Variants in ODF2L observed in about 807,000 individuals in gnomAD.
The protein encoded by ODF2L is protein BCAP.
Under a neutral mutation model 86.3 loss-of-function variants are expected in ODF2L, and 76 were observed. The observed-to-expected ratio is 0.88, with a 90% CI of 0.73 to 1.07. The LOEUF (loss-of-function observed/expected upper bound fraction) is 1.07, where lower values mean the gene tolerates loss of function less well. ODF2L is among the 50% of genes least tolerant of loss of function. The pLI is 0.00. For synonymous variants in ODF2L, 241 were observed against 231.3 expected (o/e 1.04, Z -0.38); for missense variants, 748 against 717.4 (o/e 1.04, Z -0.49).
chr1:86,369,822 C>A (rs1659672838), intron 10 of ODF2L, among the ~76,000 whole-genome samples: 1 of 152,044 alleles, frequency 6.6e-6, no homozygotes, highest in Non-Finnish European at 1.5e-5. Flanking sequence ...TTTAGACCTA[C>A]ATAGAAAGAA....
chr1:86,385,922 G>A (rs528722531), intron 2 of ODF2L: 4 of 168,394 alleles, frequency 2.4e-5, no homozygotes, highest in African/African-American at 4.8e-5. Context: ...AAAACATAAC[G>A]GCTCATTAAC....
exon 7 of ODF2L, chr1:86,382,337 G>C (rs377705254): frequency 1.7e-5 from 28 of 1,610,822 alleles, no homozygotes; most frequent in Non-Finnish European, 5.1e-6. Context: ...TGGGAAAAAC[G>C]GTTTGCTTTC....
intron 13 of ODF2L, chr1:86,357,930 A>G (rs879716471): frequency 7.1e-6 from 7 of 985,136 alleles, no homozygotes; most frequent in Admixed American, 6.1e-5. Context: ...TGAGAAAATG[A>G]GACCAAAAGA....
intron 7 of ODF2L, among the ~76,000 whole-genome samples, chr1:86,378,886 A>G (rs1160559782): frequency 2.0e-5 from 3 of 151,942 alleles, no homozygotes; most frequent in Non-Finnish European, 4.4e-5. Flanking sequence ...CCCAAATTTC[A>G]TGTCAAACTG....
intron 11 of ODF2L, among the ~76,000 whole-genome samples, chr1:86,361,139 T>C (rs1044852874): frequency 6.6e-6 from 1 of 152,240 alleles, no homozygotes; most frequent in African/African-American, 2.4e-5. Context: ...TTTATCTTCC[T>C]TGCAAGCTTA....
downstream of ODF2L, chr1:86,348,978 TTC>T (rs1254622006): frequency 4.3e-5 from 53 of 1,239,188 alleles, no homozygotes; most frequent in Non-Finnish European, 5.5e-5. Context: ...AACTAGATAA[TTC>T]TTTTTGATTT....
intron 8 of ODF2L, among the ~76,000 whole-genome samples, chr1:86,375,541 TA>T (rs1558039887): frequency 6.6e-6 from 1 of 152,124 alleles, no homozygotes; most frequent in South Asian, 2.1e-4. Flanking sequence ...GAGACTTTTT[TA>T]AAAAAATTAT....
rs1402054831 is a variant in ODF2L at position 86,386,981 on chromosome 1, CAA to C, written c.45_46del (p.Phe15LeufsTer4). Reference sequence around the variant, plus strand: ...TTTCTCTGATATAGTTTTAAGATGGCAAAAGAGTTCTTCTGAATGACTTCCAT... The same window carrying C: ...TTTCTCTGATATAGTTTTAAGATGGCAAGAGTTCTTCTGAATGACTTCCAT... On this transcript the variant is annotated frameshift_variant, in exon 2 of 18. Transcript: ENST00000317336. LOFTEE classifies it high-confidence loss of function. 8 of 1,591,316 alleles carry C rather than the reference CAA, an allele frequency of 5.0e-6. No individual in the cohort carries two copies. The highest frequency in any genetic ancestry group is 2.3e-5 in the East Asian group (1 of 43,200).
At chr1:86,378,711 TCTCA>T (rs1262918757) in intron 7 of ODF2L, among the ~76,000 whole-genome samples, 2 of 151,850 alleles carry the variant, frequency 1.3e-5, no homozygotes, top group Admixed American at 1.3e-4. Context: ...AACCATCAGA[TCTCA>T]CTCACTATCA....
chr1:86,394,391 G>A (rs1028804256), intron 1 of ODF2L, among the ~76,000 whole-genome samples: 1 of 148,390 alleles, frequency 6.7e-6, no homozygotes, highest in South Asian at 2.1e-4. Context: ...ACTCCACTGC[G>A]GCAGAGCGAG....
chr1:86,383,194 T>C (rs752333748), exon 5 of ODF2L: 1 of 1,544,140 alleles, frequency 6.5e-7, no homozygotes, highest in Non-Finnish European at 8.8e-7. Context: ...AATTGTCTCC[T>C]GTCTGAGAAA....
chr1:86,356,898 A>T (rs2100783354), intron 13 of ODF2L, among the ~76,000 whole-genome samples: 1 of 152,332 alleles, frequency 6.6e-6, no homozygotes, highest in East Asian at 1.9e-4. Context: ...ATTATATTCA[A>T]GCATAGATTA....
At chr1:86,367,416 C>T (rs1044415636) in intron 11 of ODF2L, among the ~76,000 whole-genome samples, 6 of 151,930 alleles carry the variant, frequency 3.9e-5, no homozygotes, top group Non-Finnish European at 7.4e-5. Context: ...CAAGAAAATT[C>T]CAGCATGGCA....
chr1:86,347,485 G>A (rs928382162), downstream of ODF2L: 1 of 152,218 alleles, frequency 6.6e-6, no homozygotes, highest in Admixed American at 6.5e-5. Flanking sequence ...AATCTTGTTA[G>A]CAATTGTTGG....
chr1:86,363,855 G>A (rs946260516), intron 11 of ODF2L, among the ~76,000 whole-genome samples: 1 of 151,862 alleles, frequency 6.6e-6, no homozygotes, highest in African/African-American at 2.4e-5. Context: ...TAATAGAGGA[G>A]GTTACTCGGC....
intron 7 of ODF2L, among the ~76,000 whole-genome samples, chr1:86,378,626 A>G (rs4638096): frequency 0.33 from 49,559 of 151,692 alleles, 8,253 homozygotes; most frequent in East Asian, 0.52. Context: ...AGAAGGTGAC[A>G]GGGAAGCAGG....
intron 12 of ODF2L, among the ~76,000 whole-genome samples, chr1:86,359,159 G>A (rs186623454): frequency 6.6e-6 from 1 of 151,526 alleles, no homozygotes; most frequent in East Asian, 1.9e-4. Flanking sequence ...TTCATTTGCA[G>A]ATCAATGTCA....
chr1:86,355,185 A>G lies in ODF2L; in HGVS notation c.1519-326T>C, dbSNP rs1274881161. 5.0e-6 allele frequency: 3 copies of G among 594,816 alleles called. No individual in the cohort carries two copies. The Admixed American group carries it at 9.7e-5, about 19-fold the overall frequency. 36.8% of individuals were successfully genotyped at this position (594,816 alleles called of 1,614,324 possible). On this transcript the variant is annotated intron_variant, in intron 14 of 17. Coordinates refer to ENST00000317336, the Ensembl canonical transcript of ODF2L. Reference sequence around the variant, plus strand: ...TTGAAATAGGAAAATTTTAAGCAGTATTAATCTCCTATTTTTGGATACCTA... The same window carrying G: ...TTGAAATAGGAAAATTTTAAGCAGTGTTAATCTCCTATTTTTGGATACCTA...
intron 4 of ODF2L, among the ~76,000 whole-genome samples, chr1:86,384,244 A>G (rs1284160731): frequency 2.6e-5 from 4 of 151,804 alleles, no homozygotes; most frequent in Non-Finnish European, 1.5e-5. Context: ...AAATGCTTTA[A>G]AATTGACTGT....
Sources: allele counts gnomAD v4.1 joint callset (sites outside exome capture counted in the v4.1 genomes callset), GRCh38; gene constraint gnomAD v4.1.1; transcripts MANE v1.5; gene names NCBI Gene and HGNC (gene_info 2026-07-23, HGNC 2026-07-21).